Variants in CDH18 observed in about 807,000 individuals in gnomAD.
The protein encoded by CDH18 is cadherin-18.
In CDH18, 31 loss-of-function variants were observed where a neutral mutation model predicts 67.9. That is an observed-to-expected ratio of 0.46 (90% CI 0.34 to 0.62). The LOEUF (loss-of-function observed/expected upper bound fraction) is 0.62. Among genes scored for constraint, CDH18 ranks in the 20% least tolerant of loss-of-function variants. CDH18 has a pLI of 0.01. For missense variants in CDH18, 890 were observed against 975.5 expected, an observed-to-expected ratio of 0.91 and a Z score of 1.17; for synonymous variants, 362 against 347.2, an observed-to-expected ratio of 1.04 and a Z score of -0.48.
At chr5:19,935,990 T>A (rs770957566) in intron 2 of CDH18, among the ~76,000 whole-genome samples, 1 of 151,156 alleles carries the variant, frequency 6.6e-6, no homozygotes, top group Non-Finnish European at 1.5e-5. Context: ...TTTCTGTAGA[T>A]CACATATAGG....
At chr5:20,272,492 G>GAAAATAATT (rs1202786590) in intron 1 of CDH18, among the ~76,000 whole-genome samples, 1 of 151,942 alleles carries the variant, frequency 6.6e-6, no homozygotes, top group African/African-American at 2.4e-5. Context: ...TATGCTTCAA[G>GAAAATAATT]AAAATAATTA....
At chr5:19,638,898 C>T (rs13160340) in intron 5 of CDH18, among the ~76,000 whole-genome samples, 1 of 141,404 alleles carries the variant, frequency 7.1e-6, no homozygotes, top group Non-Finnish European at 1.5e-5. Flanking sequence ...CAATTAGTTT[C>T]TTCAGACTTT....
chr5:19,481,232 T>C (rs1739370376), intron 12 of CDH18, among the ~76,000 whole-genome samples: 2 of 152,164 alleles, frequency 1.3e-5, no homozygotes, highest in African/African-American at 4.8e-5. Flanking sequence ...ACATATATTC[T>C]CTTGCTGGGC....
intron 2 of CDH18, among the ~76,000 whole-genome samples, chr5:20,239,674 T>C (rs1476781037): frequency 1.3e-5 from 2 of 152,190 alleles, no homozygotes; most frequent in Non-Finnish European, 2.9e-5. Flanking sequence ...GCACTCTCAA[T>C]ATTTTTTAGT....
chr5:20,260,987 C>G (rs1744609066), intron 1 of CDH18, among the ~76,000 whole-genome samples: 1 of 152,138 alleles, frequency 6.6e-6, no homozygotes, highest in African/African-American at 2.4e-5. Flanking sequence ...CTCAGGCCTA[C>G]AGGCCTGATT....
chr5:20,549,060 G>A (rs554878919), intron 1 of CDH18, among the ~76,000 whole-genome samples: 237 of 152,264 alleles, frequency 1.6e-3, no homozygotes, highest in Non-Finnish European at 2.7e-3. Context: ...AATGTCTCAT[G>A]CTGCCTGTGA....
chr5:19,473,224 C>G lies in CDH18; in HGVS notation c.*2G>C. The G allele has an allele frequency of 6.2e-7, 1 of 1,612,192 alleles. No homozygotes were observed. Among genetic ancestry groups the G allele is most frequent in the Non-Finnish European group, 8.5e-7 (1 of 1,178,826 alleles). ...TTCCACAAGGTTGCAAGAACTGACCCCCTAAGTTGTTCTTTCAGATTCTAT... is the reference window on the plus strand; with the variant it reads ...TTCCACAAGGTTGCAAGAACTGACCGCCTAAGTTGTTCTTTCAGATTCTAT... On this transcript the variant is annotated 3_prime_UTR_variant, in exon 13 of 13. Transcript: ENST00000382275.
chr5:20,354,919 G>C (rs933111205), intron 1 of CDH18, among the ~76,000 whole-genome samples: 1 of 152,062 alleles, frequency 6.6e-6, no homozygotes, highest in African/African-American at 2.4e-5. Flanking sequence ...CTGCATGAAA[G>C]GTATGCTTCC....
intron 2 of CDH18, among the ~76,000 whole-genome samples, chr5:19,854,667 T>C (rs1317156864): frequency 6.6e-6 from 1 of 152,130 alleles, no homozygotes; most frequent in Non-Finnish European, 1.5e-5. Context: ...AATAGAATAC[T>C]AGGCAGCTCC....
At chr5:20,459,988 G>A (rs1424859488) in intron 1 of CDH18, among the ~76,000 whole-genome samples, 1 of 152,120 alleles carries the variant, frequency 6.6e-6, no homozygotes, top group Non-Finnish European at 1.5e-5. Context: ...AAGGGAGGCA[G>A]GGAAAACCTC....
chr5:20,557,534 A>G, intron 1 of CDH18, among the ~76,000 whole-genome samples: 1 of 152,188 alleles, frequency 6.6e-6, no homozygotes, highest in South Asian at 2.1e-4. Flanking sequence ...GAAGTGTTGC[A>G]CTTCAAAATA....
intron 1 of CDH18, among the ~76,000 whole-genome samples, chr5:20,390,246 A>C (rs1021753970): frequency 6.6e-6 from 1 of 150,990 alleles, no homozygotes; most frequent in African/African-American, 2.4e-5. Context: ...TCATCTGACA[A>C]AGGGCTAATA....
At chr5:19,600,082 T>G (rs1746841922) in intron 6 of CDH18, among the ~76,000 whole-genome samples, 1 of 151,624 alleles carries the variant, frequency 6.6e-6, no homozygotes, top group Non-Finnish European at 1.5e-5. Flanking sequence ...ACCATCATTC[T>G]CAGCAAACTA....
chr5:20,075,013 G>T (rs1225466682), intron 2 of CDH18, among the ~76,000 whole-genome samples: 1 of 152,160 alleles, frequency 6.6e-6, no homozygotes, highest in Non-Finnish European at 1.5e-5. Context: ...TGAGAAATTA[G>T]ATGGAAAATA....
chr5:19,842,393 A>G (rs1782429726), intron 2 of CDH18, among the ~76,000 whole-genome samples: 2 of 152,142 alleles, frequency 1.3e-5, no homozygotes, highest in African/African-American at 4.8e-5. Context: ...TGAGTAAGTT[A>G]TCACAAGATC....
intron 1 of CDH18, among the ~76,000 whole-genome samples, chr5:20,566,586 G>A (rs1046087596): frequency 7.8e-5 from 11 of 140,900 alleles, no homozygotes; most frequent in Non-Finnish European, 1.4e-4. Context: ...CATGTTGGCC[G>A]AGATGGTCTC....
intron 2 of CDH18, among the ~76,000 whole-genome samples, chr5:19,855,651 G>GT (rs1188046431): frequency 6.6e-6 from 1 of 152,098 alleles, no homozygotes; most frequent in Non-Finnish European, 1.5e-5. Flanking sequence ...GGTGCTTGAG[G>GT]TGGTGAGAAG....
intron 2 of CDH18, among the ~76,000 whole-genome samples, chr5:20,116,148 G>GT (rs1166351546): frequency 3.9e-5 from 6 of 152,172 alleles, no homozygotes; most frequent in Non-Finnish European, 7.3e-5. Context: ...TGAGGCTGCA[G>GT]TGAGGATATC....
At chr5:20,033,145 A>G (rs1739548742) in intron 2 of CDH18, among the ~76,000 whole-genome samples, 1 of 152,000 alleles carries the variant, frequency 6.6e-6, no homozygotes, top group Non-Finnish European at 1.5e-5. Context: ...TCAGAGGTTC[A>G]GAAAGAGTAA....
Sources: allele counts gnomAD v4.1 joint callset (sites outside exome capture counted in the v4.1 genomes callset), GRCh38; gene constraint gnomAD v4.1.1; transcripts MANE v1.5; gene names NCBI Gene and HGNC (gene_info 2026-07-23, HGNC 2026-07-21).